PDE8B: variants seen among roughly 807,000 people sequenced by gnomAD.
PDE8B encodes high affinity cAMP-specific and IBMX-insensitive 3',5'-cyclic phosphodiesterase 8B.
Under a neutral mutation model 101.3 loss-of-function variants are expected in PDE8B, and 26 were observed. The observed-to-expected ratio is 0.26, with a 90% CI of 0.19 to 0.36. The LOEUF is 0.36. Among genes scored for constraint, PDE8B ranks in the 10% least tolerant of loss-of-function variants. The pLI, the probability that PDE8B is intolerant of heterozygous loss-of-function variation, is 1.00. For synonymous variants in PDE8B, 424 were observed against 429.3 expected, an observed-to-expected ratio of 0.99 and a Z score of 0.15; for missense variants, 810 against 1,163.1, an observed-to-expected ratio of 0.70 and a Z score of 4.42.
the PDE8B span, among the ~76,000 whole-genome samples, chr5:77,111,036 G>C: frequency 6.6e-6 from 1 of 152,176 alleles, no homozygotes; most frequent in African/African-American, 2.4e-5. Flanking sequence ...ATATTTACAG[G>C]TAACATTGTA....
At chr5:77,218,083 C>T (rs1750202597) in intron 1 of PDE8B, among the ~76,000 whole-genome samples, 1 of 152,094 alleles carries the variant, frequency 6.6e-6, no homozygotes, top group Admixed American at 6.6e-5. Context: ...CTTTAAGAAG[C>T]TTGTGATTGC....
chr5:77,273,905 C>A (rs2149794028), intron 1 of PDE8B, among the ~76,000 whole-genome samples: 1 of 151,840 alleles, frequency 6.6e-6, no homozygotes, highest in African/African-American at 2.4e-5. Context: ...TCACTGCAAC[C>A]TCCGCCTCTT....
chr5:77,304,653 A>C lies in PDE8B; in HGVS notation c.340-7341A>C, dbSNP rs570448650. ...TGCTGCCAAATTAATGTACTATTCT[A>C]AATAGTAGGGCATAAAACATAAAAG... On this transcript the variant is annotated intron_variant, in intron 1 of 21. Transcript: ENST00000264917. 2.0e-5 allele frequency among the ~76,000 whole-genome samples: 3 copies of C among 152,350 alleles called. No homozygotes were observed. The South Asian group carries it at 6.2e-4, about 32-fold the overall frequency.
chr5:77,421,464 A>C (rs981054220), intron 19 of PDE8B, among the ~76,000 whole-genome samples: 2 of 152,156 alleles, frequency 1.3e-5, no homozygotes, highest in Non-Finnish European at 2.9e-5. Context: ...AACTGGGAGA[A>C]ATTTCCTCTA....
Position 77,351,072 on chromosome 5 carries a change from A to G in PDE8B, c.1025A>G (p.Gln342Arg), listed in dbSNP as rs1781022046. ...NTCIKKGKEW[Q>R]GVYYARRKSG... The stretch of plus-strand genomic sequence containing the variant: ...CTCTCTTTGTCCATGTAGGAGTGGC[A>G]GGGGGTTTACTATGCCAGACGGAAA... The change falls in exon 9 of 22, where the codon CAG becomes CGG. Residue 342 changes from glutamine (Q) to arginine (R), a missense_variant. Gln to Arg is a conservative substitution (Grantham distance 43). Coordinates refer to ENST00000264917, the MANE Select transcript of PDE8B (RefSeq NM_003719.5). 1 of 1,613,122 alleles carries G rather than the reference A, an allele frequency of 6.2e-7. No homozygotes were observed. The highest frequency in any genetic ancestry group is 8.5e-7 in the Non-Finnish European group (1 of 1,179,170).
chr5:77,244,100 T>G (rs1208825210), intron 1 of PDE8B, among the ~76,000 whole-genome samples: 1 of 151,912 alleles, frequency 6.6e-6, no homozygotes, highest in African/African-American at 2.4e-5. Flanking sequence ...GGAGTCAGAT[T>G]GGATGACACA....
the PDE8B span, among the ~76,000 whole-genome samples, chr5:77,108,639 CGCCACTGCATTTCA>C: frequency 1.3e-5 from 2 of 152,124 alleles, no homozygotes. Context: ...GCCGAGATTG[CGCCACTGCATTTCA>C]GCCTGGGTGA....
At chr5:77,375,116 CTG>C (rs1785816432) in intron 10 of PDE8B, among the ~76,000 whole-genome samples, 1 of 152,236 alleles carries the variant, frequency 6.6e-6, no homozygotes, top group African/African-American at 2.4e-5. Flanking sequence ...GGTGTAGTCA[CTG>C]TGCCATTGCC....
chr5:77,093,525 G>A, the PDE8B span, among the ~76,000 whole-genome samples: 3 of 152,022 alleles, frequency 2.0e-5, no homozygotes, highest in Non-Finnish European at 4.4e-5. Context: ...AGTGGTTTTG[G>A]CACCCAATGA....
intron 1 of PDE8B, among the ~76,000 whole-genome samples, chr5:77,289,058 C>A (rs1220462357): frequency 6.6e-6 from 1 of 152,008 alleles, no homozygotes; most frequent in African/African-American, 2.4e-5. Context: ...TTTACATTGC[C>A]ACTGACATCT....
At chr5:77,391,133 A>T (rs193299816) in intron 10 of PDE8B, among the ~76,000 whole-genome samples, 1 of 152,248 alleles carries the variant, frequency 6.6e-6, no homozygotes, top group Non-Finnish European at 1.5e-5. Flanking sequence ...TTTTAGAATA[A>T]TTTCTACTGA....
chr5:77,218,220 A>G (rs1750233013), intron 1 of PDE8B, among the ~76,000 whole-genome samples: 1 of 152,278 alleles, frequency 6.6e-6, no homozygotes, highest in Non-Finnish European at 1.5e-5. Flanking sequence ...ACTTTGCAAC[A>G]AGGTAAACAG....
intron 1 of PDE8B, among the ~76,000 whole-genome samples, chr5:77,234,129 C>T (rs908345951): frequency 2.6e-5 from 4 of 152,128 alleles, no homozygotes; most frequent in African/African-American, 7.2e-5. Context: ...CTGGTGATGT[C>T]CCTGCATTTC....
the PDE8B span, among the ~76,000 whole-genome samples, chr5:77,149,410 A>G: frequency 6.6e-6 from 1 of 152,122 alleles, no homozygotes; most frequent in Non-Finnish European, 1.5e-5. Flanking sequence ...TGCTTGCTGG[A>G]GTTTTGATAG....
At chr5:77,384,429 T>A (rs559623347) in intron 10 of PDE8B, among the ~76,000 whole-genome samples, 1 of 152,228 alleles carries the variant, frequency 6.6e-6, no homozygotes, top group African/African-American at 2.4e-5. Context: ...GCAGAGAAAA[T>A]TTGACTTCCT....
chr5:77,331,493 G>A (rs1777118738), intron 5 of PDE8B, 34 bp downstream of exon 5: 2 of 1,539,352 alleles, frequency 1.3e-6, no homozygotes, highest in Admixed American at 1.7e-5. Context: ...TCTCTCAGTT[G>A]CAGGCACCTT....
chr5:77,112,854 G>T, the PDE8B span: 2 of 152,086 alleles, frequency 1.3e-5, no homozygotes, highest in African/African-American at 2.4e-5. Context: ...AAAATCACAA[G>T]CATTCCTATA....
chr5:77,328,157 T>C (rs982447977), intron 3 of PDE8B, among the ~76,000 whole-genome samples: 2 of 152,140 alleles, frequency 1.3e-5, no homozygotes, highest in East Asian at 1.9e-4. Context: ...ACCAAGAGAA[T>C]AGGTCAAAGC....
rs562001112 is a variant in PDE8B, at chr5:77,367,727, C to T, written c.1167+14321C>T. Among the ~76,000 whole-genome samples the T allele has an allele frequency of 1.6e-4, 24 of 152,272 alleles. No individual in the cohort carries two copies. In the Middle Eastern group the frequency reaches 0.01, roughly 65 times the overall value. ...TGTATTTTTAGTAGAGATGAGGTTTCACCATGTTGGCCAGGATGGTCTCAA... is the reference window on the plus strand; with the variant it reads ...TGTATTTTTAGTAGAGATGAGGTTTTACCATGTTGGCCAGGATGGTCTCAA... On this transcript the variant is annotated intron_variant, in intron 10 of 21. Coordinates refer to ENST00000264917, the MANE Select transcript of PDE8B (RefSeq NM_003719.5).
Sources: allele counts gnomAD v4.1 joint callset (sites outside exome capture counted in the v4.1 genomes callset), GRCh38; gene constraint gnomAD v4.1.1; transcripts MANE v1.5; gene names NCBI Gene and HGNC (gene_info 2026-07-23, HGNC 2026-07-21).